Variants in PTPRN observed in about 807,000 individuals in gnomAD.
PTPRN encodes protein tyrosine phosphatase receptor type N.
A neutral mutation model predicts 108.5 loss-of-function variants in PTPRN; 70 were observed. That is an observed-to-expected ratio of 0.65 (90% confidence interval 0.53 to 0.79). The LOEUF is 0.79. PTPRN is among the 30% of genes least tolerant of loss of function. The pLI is 0.00. For missense variants in PTPRN, 1,136 were observed against 1,295.5 expected (o/e 0.88, Z 1.89); for synonymous variants, 496 against 524.6 (o/e 0.95, Z 0.75).
chr2:219,303,966 G>T, intron 3 of PTPRN, 135 bp from the exon 4 acceptor site: 1 of 610,648 alleles, frequency 1.6e-6, no homozygotes, highest in Non-Finnish European at 2.7e-6. Flanking sequence ...AACTCAGTGG[G>T]TGATCTGAGC....
intron 18 of PTPRN, 100 bp from the exon 19 acceptor site, chr2:219,295,241 C>T (rs1485288383): frequency 7.3e-7 from 1 of 1,367,376 alleles, no homozygotes; most frequent in South Asian, 1.3e-5. Flanking sequence ...AACCACCGCC[C>T]GGCCTCCCAG....
chr2:219,291,023 G>A, intron 20 of PTPRN, 133 bp from the exon 21 acceptor site: 1 of 815,050 alleles, frequency 1.2e-6, no homozygotes, highest in Non-Finnish European at 2.1e-6. Flanking sequence ...CTTGGAGAGG[G>A]ACAGTGAGCC....
Position 219,303,848 on chromosome 2 carries a change from C to A in PTPRN, c.281-17G>T. On this transcript the variant is annotated splice_polypyrimidine_tract_variant and intron_variant, in intron 3 of 22. Transcript: ENST00000295718. ...AGGACAATCCTGTCAGGAAAGAGGACAGCGTAAGTTGGTTCAGGAGTCTGG... is the reference window on the plus strand; with the variant it reads ...AGGACAATCCTGTCAGGAAAGAGGAAAGCGTAAGTTGGTTCAGGAGTCTGG... The A allele has an allele frequency of 2.5e-6, 4 of 1,597,264 alleles. No homozygotes were observed. Among genetic ancestry groups the A allele is most frequent in the Non-Finnish European group, 3.4e-6 (4 of 1,169,312 alleles).
chr2:219,307,627 G>A, intron 2 of PTPRN, 70 bp from the exon 3 acceptor site: 1 of 1,492,288 alleles, frequency 6.7e-7, no homozygotes, highest in East Asian at 2.3e-5. Flanking sequence ...GTTGCAAATG[G>A]ACTGTACTCT....
chr2:219,306,278 A>G (rs1405335905), intron 3 of PTPRN, among the ~76,000 whole-genome samples: 1 of 152,220 alleles, frequency 6.6e-6, no homozygotes, highest in Non-Finnish European at 1.5e-5. Context: ...GAATTCTCTC[A>G]TCCTTCATTC....
Position 219,297,396 on chromosome 2 carries a change from AACAAGG to A in PTPRN, c.1919_1924del (p.Ser640_Leu641del), listed in dbSNP as rs758809483. On this transcript the variant is annotated inframe_deletion, in exon 14 of 23. Transcript: ENST00000295718. This position sits in a 1 kb window ranked among gnomAD's most constrained non-coding sequence, Gnocchi z 6.0. ...CTCCGGTGGACCCTCTGCCCGGTTG[AACAAGG>A]ACTTCGTGGCCATGTGCTGGCGGCA... 4 of 1,614,120 alleles carry A rather than the reference AACAAGG, an allele frequency of 2.5e-6. No homozygotes were observed. The highest frequency in any genetic ancestry group is 3.4e-6 in the Non-Finnish European group (4 of 1,180,030).
chr2:219,303,618 C>T, intron 4 of PTPRN, 117 bp downstream of exon 4: 2 of 909,466 alleles, frequency 2.2e-6, no homozygotes, highest in Non-Finnish European at 3.5e-6. Flanking sequence ...ACCTCTTTAC[C>T]TGTGCCCCAG....
chr2:219,308,923 G>A, intron 1 of PTPRN: 1 of 1,398,024 alleles, frequency 7.2e-7, no homozygotes, highest in East Asian at 3.7e-5. Context: ...CTGTGGTCTC[G>A]CAGCCGGTCT....
In PTPRN at chr2:219,296,755, G is replaced by C; in HGVS notation, c.2304C>G (p.Ser768Arg). 1 of 1,613,910 alleles carries C rather than the reference G, an allele frequency of 6.2e-7. No homozygotes were observed. The highest frequency in any genetic ancestry group is 2.2e-5 in the East Asian group (1 of 44,868). Reference protein sequence around the residue: ...SPSRSDYINASPIIEHDPRMP... With the variant: ...SPSRSDYINARPIIEHDPRMP... ...TGGAGTCAGGGCCACTCACAATGGG[G>C]CTGGCGTTGATGTAATCGCTCCGAG... Residue 768 changes from serine to arginine, a missense_variant, in exon 16 of 23, where the codon AGC (serine) becomes AGG (arginine). Physicochemically the swap from Ser to Arg is moderately radical, Grantham distance 110 (BLOSUM62 -1). Coordinates refer to ENST00000295718, the MANE Select transcript of PTPRN (RefSeq NM_002846.4). The surrounding 1 kb of genome is among the most constrained non-coding windows in gnomAD (Gnocchi z 6.0).
In PTPRN at chr2:219,299,410, C is replaced by T. The variant is rs780980360; in HGVS notation, c.1524-26G>A. 5.0e-6 allele frequency: 8 copies of T among 1,607,058 alleles called. No individual in the cohort carries two copies. In the South Asian group the frequency reaches 8.8e-5, roughly 18 times the overall value. ...CTGCCAGATAGGAGCTATGTTACTG[C>T]CTTCTCCACCCCAGACCGCAGACTT... On this transcript the variant is annotated intron_variant, in intron 10 of 22. Transcript: ENST00000295718.
chr2:219,303,522 C>T (rs575942194), intron 4 of PTPRN, among the ~76,000 whole-genome samples: 2 of 152,176 alleles, frequency 1.3e-5, no homozygotes, highest in Admixed American at 6.5e-5. Context: ...TCAAAACATT[C>T]AAAAAATGCC....
At position 219,290,191 on chromosome 2, in the gene PTPRN, A is replaced by G. The variant is rs1952021132; in HGVS notation, c.*35T>C. The G allele has an allele frequency of 1.3e-6, 2 of 1,577,310 alleles. No individual in the cohort carries two copies. Among genetic ancestry groups the G allele is most frequent in the East Asian group, 2.2e-5 (1 of 44,718 alleles). ...GATGCTCACACAGGCAAAGAGGGAC[A>G]GAGGCTGGGCTGCCCGCCAAGGGGC... On this transcript the variant is annotated 3_prime_UTR_variant, in exon 23 of 23. Coordinates refer to ENST00000295718, the MANE Select transcript of PTPRN (RefSeq NM_002846.4). This position sits in a 1 kb window ranked among gnomAD's most constrained non-coding sequence, Gnocchi z 4.2.
chr2:219,308,353 C>A (rs1381982069), intron 1 of PTPRN: 1 of 173,736 alleles, frequency 5.8e-6, no homozygotes, highest in Non-Finnish European at 1.2e-5. Context: ...CTGAGTCTGG[C>A]GCCGCCAAGG....
chr2:219,296,909 A>G lies in PTPRN; in HGVS notation c.2236+76T>C. Reference sequence around the variant, plus strand: ...GCCACTCAGCCTGAGCCAGAAGCCCAACCCCTTACCCCAAGCCCTCCAGAC... The same window carrying G: ...GCCACTCAGCCTGAGCCAGAAGCCCGACCCCTTACCCCAAGCCCTCCAGAC... On this transcript the variant is annotated intron_variant, in intron 15 of 22. Coordinates refer to ENST00000295718, the MANE Select transcript of PTPRN (RefSeq NM_002846.4). This position sits in a 1 kb window ranked among gnomAD's most constrained non-coding sequence, Gnocchi z 6.0. 1.2e-6 allele frequency: 2 copies of G among 1,612,472 alleles called. No homozygotes were observed. The highest frequency in any genetic ancestry group is 1.7e-6 in the Non-Finnish European group (2 of 1,178,898).
intron 1 of PTPRN, chr2:219,308,164 A>G: frequency 2.9e-6 from 1 of 340,716 alleles, no homozygotes; most frequent in Admixed American, 4.6e-5. Context: ...ATTCTGAAAG[A>G]GGAATTTCCT....
At chr2:219,294,515 G>C (rs1357799921) in intron 19 of PTPRN, among the ~76,000 whole-genome samples, 1 of 151,478 alleles carries the variant, frequency 6.6e-6, no homozygotes, top group Non-Finnish European at 1.5e-5. Flanking sequence ...ATGAAGGAGG[G>C]ACGGAGAGGG....
At chr2:219,294,875 AGGCTCCAGGCCCGACCCGG>A (rs1416260305) in intron 19 of PTPRN, 81 bp downstream of exon 19, 35 of 1,230,600 alleles carry the variant, frequency 2.8e-5, no homozygotes, top group Admixed American at 4.0e-5. Flanking sequence ...TCAGAGGCCG[AGGCTCCAGGCCCGACCCGG>A]GGCTCCAGGC....
chr2:219,302,220 C>T lies in PTPRN; in HGVS notation c.911G>A (p.Arg304Gln), dbSNP rs774557351. 5.8e-5 allele frequency: 94 copies of T among 1,613,972 alleles called. No individual in the cohort carries two copies. The highest frequency in any genetic ancestry group is 3.3e-4 in the Middle Eastern group (2 of 6,084). Reference protein sequence around the residue: ...PRLPEQGSSSRAEDSPEGYEK... With the variant: ...PRLPEQGSSSQAEDSPEGYEK... Reference sequence around the variant, plus strand: ...ATAGCCCTCTGGGGAGTCCTCTGCCCGGCTGCTGCTCCCTTGCTCTGGCAG... The same window carrying T: ...ATAGCCCTCTGGGGAGTCCTCTGCCTGGCTGCTGCTCCCTTGCTCTGGCAG... The change falls in exon 6 of 23, where the codon CGG becomes CAG. Residue 304 changes from arginine (R) to glutamine (Q), a missense_variant. Transcript: ENST00000295718.
At position 219,296,959 on chromosome 2, in the gene PTPRN, C is replaced by CAGG. The variant is rs779142245; in HGVS notation, c.2236+23_2236+25dup. ...CCTCGCAGCAGAGAGAGGGCTGGGC[C>CAGG]AGGTGGGCCAGCAGGGTTCACTCAC... On this transcript the variant is annotated intron_variant, in intron 15 of 22. Coordinates refer to ENST00000295718, the MANE Select transcript of PTPRN (RefSeq NM_002846.4). The surrounding 1 kb of genome is among the most constrained non-coding windows in gnomAD (Gnocchi z 6.0). 1.2e-6 allele frequency: 2 copies of CAGG among 1,613,270 alleles called. No individual in the cohort carries two copies. Among genetic ancestry groups the CAGG allele is most frequent in the African/African-American group, 2.7e-5 (2 of 74,926 alleles).
Sources: gnomAD v4.1 joint callset for allele counts (sites outside exome capture counted in the v4.1 genomes callset) on GRCh38, gnomAD v4.1.1 for gene constraint, Gnocchi (gnomAD v3.1) non-coding constraint, MANE v1.5 for transcripts, NCBI Gene and HGNC (gene_info 2026-07-23, HGNC 2026-07-21) for gene names.